The following PCNX2 variants were observed in gnomAD, a reference collection of about 807,000 sequenced individuals.
PCNX2 encodes the protein pecanex-like protein 2.
PCNX2 carries 168 observed loss-of-function variants against 223.8 expected under a neutral mutation model. The observed-to-expected ratio is 0.75, with a 90% CI of 0.66 to 0.85. PCNX2 has a LOEUF of 0.85. PCNX2 is among the 40% of genes least tolerant of loss of function. The probability of loss-of-function intolerance (pLI) is 0.00; values close to 1 mark genes in which losing one functional copy is unlikely to be tolerated. For missense variants in PCNX2, 2,507 were observed against 2,675.5 expected (o/e 0.94, Z 1.39); for synonymous variants, 1,006 against 1,052.6 (o/e 0.96, Z 0.86).
At chr1:232,998,547 G>C in intron 31 of PCNX2, 109 bp from the exon 32 acceptor site, 1 of 1,174,006 alleles carries the variant, frequency 8.5e-7, no homozygotes, top group East Asian at 2.5e-5. Context: ...TGCTCTCCAG[G>C]TGAGTAGCCC....
intron 19 of PCNX2, among the ~76,000 whole-genome samples, chr1:233,149,770 G>A (rs549690693): frequency 8.5e-5 from 13 of 152,174 alleles, no homozygotes; most frequent in East Asian, 5.8e-4. Flanking sequence ...CTTGATCTCC[G>A]TTTAGGATGA....
chr1:233,228,193 G>A (rs559493324), intron 9 of PCNX2, among the ~76,000 whole-genome samples: 11 of 152,114 alleles, frequency 7.2e-5, no homozygotes, highest in African/African-American at 1.9e-4. Context: ...TTTGTTTCCC[G>A]TTCTCCGTGT....
intron 15 of PCNX2, among the ~76,000 whole-genome samples, chr1:233,188,158 C>T (rs1034075033): frequency 6.6e-5 from 10 of 152,142 alleles, no homozygotes; most frequent in Admixed American, 4.6e-4. Context: ...TGCCCAGGGT[C>T]TCCTAGACTG....
At position 233,259,254 on chromosome 1, in the gene PCNX2, T is replaced by C. The variant is rs375353611; in HGVS notation, c.608A>G (p.His203Arg). 17 of 1,613,852 alleles carry C rather than the reference T, an allele frequency of 1.1e-5. No homozygotes were observed. The highest frequency in any genetic ancestry group is 6.7e-5 in the African/African-American group (5 of 74,912). ...TGACTTGGTCGTGGTTTCCAGCATGTGTGCTTGAGACGCAGGTAAGCTTTC... is the reference window on the plus strand; with the variant it reads ...TGACTTGGTCGTGGTTTCCAGCATGCGTGCTTGAGACGCAGGTAAGCTTTC... ...KVESLPASQAHMLETTTKSVI... is the reference protein window; with the variant it reads ...KVESLPASQARMLETTTKSVI... The change falls in exon 5 of 34, where the codon CAC (histidine) becomes CGC (arginine). Residue 203 changes from histidine to arginine, a missense_variant. Coordinates refer to ENST00000258229, the MANE Select transcript of PCNX2 (RefSeq NM_014801.4).
intron 15 of PCNX2, among the ~76,000 whole-genome samples, chr1:233,196,234 G>A (rs1230679971): frequency 6.6e-6 from 1 of 151,790 alleles, no homozygotes; most frequent in Non-Finnish European, 1.5e-5. Context: ...CTAAATATAA[G>A]TATATTCAAA....
intron 23 of PCNX2, among the ~76,000 whole-genome samples, chr1:233,060,383 G>T (rs1044842690): frequency 1.3e-5 from 2 of 152,102 alleles, no homozygotes; most frequent in African/African-American, 4.8e-5. Context: ...AACTCCTTAG[G>T]GAACTAAAAC....
At chr1:233,037,445 C>G (rs1671494002) in intron 25 of PCNX2, among the ~76,000 whole-genome samples, 1 of 152,184 alleles carries the variant, frequency 6.6e-6, no homozygotes, top group Non-Finnish European at 1.5e-5. Flanking sequence ...ATTCTCCCAC[C>G]TCAGCCTCTG....
At chr1:233,073,223 G>C (rs980743456) in intron 23 of PCNX2, among the ~76,000 whole-genome samples, 1 of 152,022 alleles carries the variant, frequency 6.6e-6, no homozygotes, top group Non-Finnish European at 1.5e-5. Flanking sequence ...ATTATGTAAG[G>C]CTAGTAATAA....
chr1:232,984,642 G>A, intron 33 of PCNX2, 165 bp from the exon 34 acceptor site: 2 of 693,906 alleles, frequency 2.9e-6, no homozygotes, highest in Non-Finnish European at 4.6e-6. Flanking sequence ...CAGCACAGTG[G>A]CCTCTGAGGA....
At chr1:232,987,645 G>A (rs1164596312) in intron 32 of PCNX2, among the ~76,000 whole-genome samples, 1 of 152,188 alleles carries the variant, frequency 6.6e-6, no homozygotes, top group Non-Finnish European at 1.5e-5. Flanking sequence ...TATGCATCTG[G>A]TGATTGTGAA....
chr1:233,295,715 G>T lies in PCNX2; in HGVS notation c.-237C>A. 2 of 391,510 alleles carry T rather than the reference G, an allele frequency of 5.1e-6. No individual in the cohort carries two copies. Among genetic ancestry groups the T allele is most frequent in the Non-Finnish European group, 8.8e-6 (2 of 228,544 alleles). The allele number at this position is 391,510 out of a possible 1,614,324, so 24.3% of individuals were successfully genotyped here. On this transcript the variant is annotated 5_prime_UTR_variant, in exon 1 of 34. Coordinates refer to ENST00000258229, the MANE Select transcript of PCNX2 (RefSeq NM_014801.4). This position sits in a 1 kb window ranked among gnomAD's most constrained non-coding sequence, Gnocchi z 4.1. ...CTGCGGCCGGGCAGGTGAGCGCCAT[G>T]TCCGAGGGAGGAAGGATTTTCCCAT...
rs775938522 is a variant in PCNX2, at chr1:233,002,791, T to G, written c.4953-1110A>C. Reference sequence around the variant, plus strand: ...TACAGTAACCAAAACAGCATGGTACTGGTACCAAAACAGATACATAGACCA... The same window carrying G: ...TACAGTAACCAAAACAGCATGGTACGGGTACCAAAACAGATACATAGACCA... On this transcript the variant is annotated intron_variant, in intron 28 of 33. Transcript: ENST00000258229. 5.6e-4 allele frequency among the ~76,000 whole-genome samples: 85 copies of G among 152,316 alleles called. 1 individual carries two copies. The highest frequency in any genetic ancestry group is 8.8e-4 in the Non-Finnish European group (60 of 68,030).
intron 13 of PCNX2, among the ~76,000 whole-genome samples, chr1:233,207,931 TAACAAC>T (rs1681573940): frequency 1.3e-5 from 2 of 152,076 alleles, no homozygotes; most frequent in African/African-American, 4.8e-5. Flanking sequence ...GCAGGCACCG[TAACAAC>T]CATTCTTCAG....
At chr1:233,186,474 C>T (rs1275823642) in intron 15 of PCNX2, among the ~76,000 whole-genome samples, 4 of 152,134 alleles carry the variant, frequency 2.6e-5, no homozygotes, top group South Asian at 2.1e-4. Flanking sequence ...GTGGCCGGCA[C>T]GTGTGGGTGT....
At chr1:233,313,707 A>G in the PCNX2 span, among the ~76,000 whole-genome samples, 1 of 152,236 alleles carries the variant, frequency 6.6e-6, no homozygotes, top group African/African-American at 2.4e-5. Flanking sequence ...CCTCCTAAAC[A>G]TCAGTAAGAA....
chr1:233,178,941 TTAA>T, intron 16 of PCNX2, 122 bp downstream of exon 16: 1 of 752,942 alleles, frequency 1.3e-6, no homozygotes, highest in Non-Finnish European at 2.1e-6. Flanking sequence ...ACCAGCTAGT[TTAA>T]TAATGAGAGT....
chr1:233,266,211 T>C (rs185592968), intron 1 of PCNX2, among the ~76,000 whole-genome samples: 164 of 152,278 alleles, frequency 1.1e-3, no homozygotes, highest in African/African-American at 3.9e-3. Flanking sequence ...TTAATTCCTT[T>C]AAAAACCTCT....
chr1:232,995,972 C>T (rs980922594), intron 32 of PCNX2, among the ~76,000 whole-genome samples: 1 of 152,158 alleles, frequency 6.6e-6, no homozygotes, highest in Non-Finnish European at 1.5e-5. Flanking sequence ...ATTCTCCTGC[C>T]TCAGCCTCCC....
chr1:233,179,204 C>A, intron 15 of PCNX2, 29 bp from the exon 16 acceptor site: 1 of 1,606,104 alleles, frequency 6.2e-7, no homozygotes, highest in South Asian at 1.1e-5. Flanking sequence ...TTAGCCAAGT[C>A]ACTCCACAGC....
Sources: allele counts gnomAD v4.1 joint callset (sites outside exome capture counted in the v4.1 genomes callset), GRCh38; gene constraint gnomAD v4.1.1; non-coding constraint Gnocchi (gnomAD v3.1); transcripts MANE v1.5; gene names NCBI Gene and HGNC (gene_info 2026-07-23, HGNC 2026-07-21).